The following SPMIP2 variants were observed in gnomAD, a reference collection of about 807,000 sequenced individuals.
SPMIP2 encodes the protein protein SPMIP2.
chr4:159,066,611 AT>A, the SPMIP2 span, among the ~76,000 whole-genome samples: 27 of 51,210 alleles, frequency 5.3e-4, no homozygotes, highest in African/African-American at 1.2e-3. Flanking sequence ...ATATATATAT[AT>A]ATATATATAG....
the SPMIP2 span, among the ~76,000 whole-genome samples, chr4:159,004,407 C>T: frequency 6.7e-6 from 1 of 148,646 alleles, no homozygotes; most frequent in Non-Finnish European, 1.5e-5. Flanking sequence ...TCTCCTGTGT[C>T]AGCCTCCTGA....
chr4:159,071,808 G>C, the SPMIP2 span, among the ~76,000 whole-genome samples: 1 of 152,172 alleles, frequency 6.6e-6, no homozygotes, highest in Non-Finnish European at 1.5e-5. Context: ...AAAAGAGAGA[G>C]AGATTCCAAA....
the SPMIP2 span, chr4:158,904,462 T>C: frequency 6.2e-7 from 1 of 1,610,860 alleles, no homozygotes; most frequent in Non-Finnish European, 8.5e-7. Flanking sequence ...TTCTCAATAT[T>C]CAGGATTGAA....
chr4:158,953,988 G>C, the SPMIP2 span, among the ~76,000 whole-genome samples: 1 of 152,204 alleles, frequency 6.6e-6, no homozygotes, highest in African/African-American at 2.4e-5. Context: ...GAAGGGACTT[G>C]CCTTGTCGCA....
the SPMIP2 span, among the ~76,000 whole-genome samples, chr4:158,985,764 C>G: frequency 6.6e-5 from 10 of 151,910 alleles, no homozygotes; most frequent in East Asian, 5.8e-4. Context: ...ATTCAACATA[C>G]TGTTGGAAGT....
the SPMIP2 span, among the ~76,000 whole-genome samples, chr4:158,992,227 T>A: frequency 6.6e-6 from 1 of 152,218 alleles, no homozygotes. Context: ...CAAATGCTGC[T>A]CGTATGAGTG....
the SPMIP2 span, among the ~76,000 whole-genome samples, chr4:159,018,626 T>C: frequency 3.3e-5 from 5 of 152,194 alleles, no homozygotes; most frequent in Non-Finnish European, 7.3e-5. Context: ...TATTAATTTT[T>C]TTGTCCCTAG....
At chr4:158,956,237 G>A in the SPMIP2 span, among the ~76,000 whole-genome samples, 1 of 152,230 alleles carries the variant, frequency 6.6e-6, no homozygotes, top group Non-Finnish European at 1.5e-5. Flanking sequence ...CAGCCCTGGC[G>A]ATACATCACA....
At chr4:159,025,282 A>G in the SPMIP2 span, among the ~76,000 whole-genome samples, 2 of 152,172 alleles carry the variant, frequency 1.3e-5, no homozygotes, top group Non-Finnish European at 2.9e-5. Flanking sequence ...CTCCTGCTTC[A>G]GCCTTCCAAG....
the SPMIP2 span, among the ~76,000 whole-genome samples, chr4:159,081,565 C>T: frequency 6.6e-6 from 1 of 151,898 alleles, no homozygotes; most frequent in African/African-American, 2.4e-5. Flanking sequence ...GTGGCGCACT[C>T]CTGCAGTCCT....
chr4:159,023,015 C>A, the SPMIP2 span, among the ~76,000 whole-genome samples: 71 of 150,052 alleles, frequency 4.7e-4, no homozygotes, highest in Admixed American at 4.6e-3. Context: ...GGCGACAGAG[C>A]GAGACTCCAT....
the SPMIP2 span, among the ~76,000 whole-genome samples, chr4:158,912,925 C>T: frequency 1.3e-5 from 2 of 152,196 alleles, no homozygotes; most frequent in Non-Finnish European, 2.9e-5. Flanking sequence ...CCTCAGGTGC[C>T]TCTTGATGTG....
chr4:158,899,567 G>C, the SPMIP2 span, among the ~76,000 whole-genome samples: 7 of 152,176 alleles, frequency 4.6e-5, no homozygotes, highest in African/African-American at 9.6e-5. Flanking sequence ...CTTCTTCCTA[G>C]TTTAGACTTG....
At chr4:158,910,245 T>C in the SPMIP2 span, among the ~76,000 whole-genome samples, 107,085 of 151,758 alleles carry the variant, frequency 0.71, 38,483 homozygotes, top group East Asian at 0.95. Context: ...AGTCAAACAC[T>C]AATCTGGATG....
chr4:158,911,367 TAAATAAATAAATAAATA>T, the SPMIP2 span, among the ~76,000 whole-genome samples: 478 of 147,532 alleles, frequency 3.2e-3, 1 homozygote, highest in African/African-American at 0.012. Flanking sequence ...AATAAATAAA[TAAATAAATAAATAAATA>T]AAATAAATAA....
chr4:158,967,367 C>T, the SPMIP2 span, among the ~76,000 whole-genome samples: 1 of 152,124 alleles, frequency 6.6e-6, no homozygotes, highest in South Asian at 2.1e-4. Flanking sequence ...CTGGTGGTAT[C>T]ATAAGACATA....
the SPMIP2 span, among the ~76,000 whole-genome samples, chr4:158,899,645 T>A: frequency 6.6e-6 from 1 of 152,252 alleles, no homozygotes; most frequent in East Asian, 1.9e-4. Context: ...AGTAGAGGTG[T>A]TTATAGTATT....
At chr4:158,959,675 T>TA in the SPMIP2 span, among the ~76,000 whole-genome samples, 1 of 152,180 alleles carries the variant, frequency 6.6e-6, no homozygotes, top group African/African-American at 2.4e-5. Context: ...TGGAGTCTTG[T>TA]AAGAGCAATG....
chr4:158,976,143 C>A, the SPMIP2 span, among the ~76,000 whole-genome samples: 1 of 152,132 alleles, frequency 6.6e-6, no homozygotes, highest in Admixed American at 6.5e-5. Context: ...ATTTTATATC[C>A]TGAGACTTTG....
Sources: allele counts gnomAD v4.1 joint callset (sites outside exome capture counted in the v4.1 genomes callset), GRCh38; gene constraint gnomAD v4.1.1; transcripts MANE v1.5; gene names NCBI Gene and HGNC (gene_info 2026-07-23, HGNC 2026-07-21).